HFM1: variants seen among roughly 807,000 people sequenced by gnomAD.
The protein encoded by HFM1 is helicase for meiosis 1, also known as probable ATP-dependent DNA helicase HFM1.
In HFM1, 169 loss-of-function variants were observed where a neutral mutation model predicts 192.1. The ratio of observed to expected loss-of-function variants is 0.88; its 90% confidence interval spans 0.78 to 1.00. The LOEUF (loss-of-function observed/expected upper bound fraction) is 1.00, where lower values mean the gene tolerates loss of function less well. Among genes scored for constraint, HFM1 ranks in the 50% least tolerant of loss-of-function variants. The pLI is 0.00. For missense variants in HFM1, 1,661 were observed against 1,668.0 expected (o/e 1.00, Z 0.07); for synonymous variants, 525 against 537.8 (o/e 0.98, Z 0.33).
At chr1:91,385,962 A>ATATACTTAATATACTTAGAATAT in intron 4 of HFM1, 128 bp from the exon 5 acceptor site, 1 of 693,054 alleles carries the variant, frequency 1.4e-6, no homozygotes. Context: ...AAAAAAGCTA[A>ATATACTTAATATACTTAGAATAT]ACATTCTCCT....
At chr1:91,277,604 A>ACAC (rs1557766149) in intron 30 of HFM1, among the ~76,000 whole-genome samples, 12 of 31,226 alleles carry the variant, frequency 3.8e-4, no homozygotes, top group African/African-American at 2.1e-3. Context: ...TATATACTTT[A>ACAC]TATATATACT....
rs1357966158 is a variant in HFM1 at position 91,274,714 on chromosome 1, A to C, written c.3668+16T>G. 2.4e-6 allele frequency: 3 copies of C among 1,261,428 alleles called. No homozygotes were observed. In the South Asian group the frequency reaches 3.8e-5, roughly 16 times the overall value. 78.1% of individuals were successfully genotyped at this position (1,261,428 alleles called of 1,614,324 possible). A position where few individuals can be genotyped will look rare whatever the true frequency, so the allele number is the denominator to read the frequency against. Reference sequence around the variant, plus strand: ...CGATAAATATTTTACCTTAGATATTAACATTATATTTGTACCTTGATATAC... The same window carrying C: ...CGATAAATATTTTACCTTAGATATTCACATTATATTTGTACCTTGATATAC... On this transcript the variant is annotated intron_variant, in intron 33 of 38. Coordinates refer to ENST00000370425, the MANE Select transcript of HFM1 (RefSeq NM_001017975.6).
chr1:91,358,128 T>A (rs894466401), intron 13 of HFM1, among the ~76,000 whole-genome samples: 35 of 152,022 alleles, frequency 2.3e-4, no homozygotes, highest in African/African-American at 8.5e-4. Flanking sequence ...GATGGGTGGA[T>A]CACAAGGTCA....
intron 34 of HFM1, among the ~76,000 whole-genome samples, chr1:91,268,247 C>T (rs983979593): frequency 4.6e-5 from 7 of 151,874 alleles, no homozygotes; most frequent in Non-Finnish European, 1.0e-4. Context: ...AACTCTACTC[C>T]AAGATTGGAT....
chr1:91,289,124 A>T (rs1557785994), intron 30 of HFM1, among the ~76,000 whole-genome samples: 1 of 151,472 alleles, frequency 6.6e-6, no homozygotes, highest in Non-Finnish European at 1.5e-5. Context: ...TGCCAGGCGG[A>T]GGGGCTCCTC....
At chr1:91,297,907 G>A (rs1287977948) in intron 30 of HFM1, among the ~76,000 whole-genome samples, 1 of 152,202 alleles carries the variant, frequency 6.6e-6, no homozygotes, top group African/African-American at 2.4e-5. Context: ...AAGGAACGCA[G>A]CTCCTCACCA....
intron 30 of HFM1, among the ~76,000 whole-genome samples, chr1:91,283,473 G>A (rs1307741280): frequency 1.3e-5 from 2 of 152,084 alleles, no homozygotes; most frequent in African/African-American, 2.4e-5. Flanking sequence ...GGCTGGTCTC[G>A]AACCTGTAAG....
At chr1:91,403,203 T>G (rs1417669373) in intron 1 of HFM1, among the ~76,000 whole-genome samples, 3 of 152,204 alleles carry the variant, frequency 2.0e-5, no homozygotes, top group Non-Finnish European at 4.4e-5. Flanking sequence ...TGCTCATTAA[T>G]GTGTTCCAAT....
chr1:91,276,382 G>T (rs114009081), intron 32 of HFM1, among the ~76,000 whole-genome samples: 1 of 152,004 alleles, frequency 6.6e-6, no homozygotes, highest in Non-Finnish European at 1.5e-5. Flanking sequence ...TGTCTTAATC[G>T]TCACTGTATC....
chr1:91,307,261 T>A (rs1037178529), intron 30 of HFM1, among the ~76,000 whole-genome samples: 1 of 152,142 alleles, frequency 6.6e-6, no homozygotes, highest in Non-Finnish European at 1.5e-5. Flanking sequence ...GATGCAAGCT[T>A]GTATTTTTTT....
intron 30 of HFM1, among the ~76,000 whole-genome samples, chr1:91,312,998 C>T (rs1011723520): frequency 1.3e-5 from 2 of 152,112 alleles, no homozygotes; most frequent in African/African-American, 4.8e-5. Context: ...GCAAGATGTG[C>T]CCTTCACCTC....
At chr1:91,353,451 T>C (rs1012867678) in intron 13 of HFM1, 152 bp from the exon 14 acceptor site, 9 of 508,754 alleles carry the variant, frequency 1.8e-5, no homozygotes, top group Non-Finnish European at 3.2e-5. Flanking sequence ...TATCCAACTT[T>C]CATATTCAAA....
chr1:91,331,187 A>G (rs189869213), intron 20 of HFM1, among the ~76,000 whole-genome samples: 30 of 152,338 alleles, frequency 2.0e-4, no homozygotes, highest in African/African-American at 5.8e-4. Context: ...AAGTCAAATT[A>G]TCCTTGTTTG....
rs775106667 is a variant in HFM1 at position 91,351,601 on chromosome 1, T to C, written c.2020A>G (p.Thr674Ala). ...AACATCTGAATGTACTTGTCCCTTG[T>C]GCTTAATCGAGTCATGATAACTGCA... ...ATAVIMTRLS[T>A]RDKYIQMLAC... Residue 674 changes from threonine to alanine, a missense_variant, in exon 17 of 39, where the codon ACA (threonine) becomes GCA (alanine). Physicochemically the swap from Thr to Ala is moderately conservative, Grantham distance 58. Transcript: ENST00000370425. 4 of 1,603,960 alleles carry C rather than the reference T, an allele frequency of 2.5e-6. No individual in the cohort carries two copies. The East Asian group carries it at 9.0e-5, about 36-fold the overall frequency.
At chr1:91,404,888 T>C (rs1488763150), upstream of HFM1, 1 of 455,430 alleles carries the variant, frequency 2.2e-6, no homozygotes, top group South Asian at 1.6e-5. Flanking sequence ...CTCCAAGCAA[T>C]GGATCGCCCA....
intron 30 of HFM1, among the ~76,000 whole-genome samples, chr1:91,300,464 T>A (rs1213733504): frequency 6.6e-6 from 1 of 152,152 alleles, no homozygotes; most frequent in Non-Finnish European, 1.5e-5. Flanking sequence ...TACCAAAGCC[T>A]GGCAGAGACA....
At position 91,399,010 on chromosome 1, in the gene HFM1, AAAGAT is replaced by A. The variant is rs369511462; in HGVS notation, c.71+1997_71+2001del. Among the ~76,000 whole-genome samples the A allele has an allele frequency of 2.1e-3, 321 of 152,148 alleles. 3 individuals carry two copies. Among genetic ancestry groups the A allele is most frequent in the African/African-American group, 7.2e-3 (301 of 41,518 alleles). On this transcript the variant is annotated intron_variant, in intron 2 of 38. Transcript: ENST00000370425. ...GCCTCGTCACTCCTCACCCTCATTC[AAAGAT>A]ATTTACTCAGCTTGCCCCTGTGCCC...
Position 91,402,045 on chromosome 1 carries a change from C to T in HFM1, c.-27-936G>A, listed in dbSNP as rs189898785. On this transcript the variant is annotated intron_variant, in intron 1 of 38. Transcript: ENST00000370425. ...CTATATGACAAACCATAAAATCAGA[C>T]GAACAAACTGTAAAACATAAATCAC... 4.6e-5 allele frequency among the ~76,000 whole-genome samples: 7 copies of T among 152,162 alleles called. No homozygotes were observed. In the East Asian group the frequency reaches 7.7e-4, roughly 17 times the overall value.
At chr1:91,396,919 T>C (rs1316974009) in intron 2 of HFM1, among the ~76,000 whole-genome samples, 1 of 152,216 alleles carries the variant, frequency 6.6e-6, no homozygotes, top group Non-Finnish European at 1.5e-5. Flanking sequence ...TGAGCATTAC[T>C]GCCTGAGCTC....
Sources: gnomAD v4.1 joint callset for allele counts (sites outside exome capture counted in the v4.1 genomes callset) on GRCh38, gnomAD v4.1.1 for gene constraint, MANE v1.5 for transcripts, NCBI Gene and HGNC (gene_info 2026-07-23, HGNC 2026-07-21) for gene names.